MACROD2: variants seen among roughly 807,000 people sequenced by gnomAD.
MACROD2 encodes ADP-ribose glycohydrolase MACROD2.
MACROD2 carries 36 observed loss-of-function variants against 70.4 expected under a neutral mutation model. The ratio of observed to expected loss-of-function variants is 0.51; its 90% CI spans 0.39 to 0.68. The LOEUF is 0.68. Among genes scored for constraint, MACROD2 ranks in the 30% least tolerant of loss-of-function variants. The pLI is 0.00. For missense variants in MACROD2, 496 were observed against 538.4 expected, an observed-to-expected ratio of 0.92 and a Z score of 0.78; for synonymous variants, 172 against 178.8, an observed-to-expected ratio of 0.96 and a Z score of 0.30.
intron 8 of MACROD2, among the ~76,000 whole-genome samples, chr20:15,842,712 G>GGATGGATAGATAGATA (rs1555786006): frequency 2.1e-4 from 30 of 141,694 alleles, no homozygotes; most frequent in African/African-American, 4.2e-4. Flanking sequence ...GTGGGTGGAT[G>GGATGGATAGATAGATA]GATAGATAGA....
At chr20:14,723,287 T>C (rs1280019306) in intron 5 of MACROD2, among the ~76,000 whole-genome samples, 4 of 152,096 alleles carry the variant, frequency 2.6e-5, no homozygotes, top group Non-Finnish European at 5.9e-5. Context: ...TTTATTCTTA[T>C]ATATCCTTTT....
chr20:14,610,951 C>G (rs1262699762), intron 4 of MACROD2, among the ~76,000 whole-genome samples: 1 of 152,034 alleles, frequency 6.6e-6, no homozygotes, highest in African/African-American at 2.4e-5. Flanking sequence ...GCATTGGAGA[C>G]TCATATTAAC....
intron 8 of MACROD2, among the ~76,000 whole-genome samples, chr20:15,801,156 C>T (rs1445309660): frequency 6.8e-6 from 1 of 147,070 alleles, no homozygotes; most frequent in Non-Finnish European, 1.5e-5. Flanking sequence ...CCAAATCCCC[C>T]TCTGCGAGAA....
chr20:14,242,966 T>A (rs2081941595), intron 3 of MACROD2, among the ~76,000 whole-genome samples: 1 of 152,208 alleles, frequency 6.6e-6, no homozygotes, highest in Admixed American at 6.5e-5. Flanking sequence ...TTTTCACTAA[T>A]TACTTTCACC....
At chr20:15,292,787 A>G (rs2077552371) in intron 6 of MACROD2, among the ~76,000 whole-genome samples, 1 of 152,258 alleles carries the variant, frequency 6.6e-6, no homozygotes, top group Non-Finnish European at 1.5e-5. Flanking sequence ...ACTAATTTAT[A>G]TAATGACTGT....
intron 5 of MACROD2, among the ~76,000 whole-genome samples, chr20:15,167,899 T>C (rs954194929): frequency 6.6e-6 from 1 of 152,128 alleles, no homozygotes; most frequent in Non-Finnish European, 1.5e-5. Context: ...TTTTTACCTT[T>C]GCAGAGACCA....
intron 5 of MACROD2, among the ~76,000 whole-genome samples, chr20:15,153,958 T>A (rs764758585): frequency 6.6e-6 from 1 of 152,150 alleles, no homozygotes; most frequent in Admixed American, 6.5e-5. Flanking sequence ...ACACAAATGA[T>A]TGGAGTTATA....
chr20:14,309,139 T>C (rs962141073), intron 3 of MACROD2, among the ~76,000 whole-genome samples: 2 of 152,136 alleles, frequency 1.3e-5, no homozygotes, highest in African/African-American at 2.4e-5. Flanking sequence ...GCACGTGGAA[T>C]TTCAGCTCTT....
intron 4 of MACROD2, among the ~76,000 whole-genome samples, chr20:14,545,399 C>A (rs968319374): frequency 5.3e-5 from 8 of 152,116 alleles, no homozygotes; most frequent in African/African-American, 1.9e-4. Flanking sequence ...GTGATCTAGT[C>A]ATTACAGCCT....
intron 5 of MACROD2, chr20:14,849,880 T>C (rs1406300194): frequency 6.2e-6 from 3 of 480,130 alleles, no homozygotes; most frequent in Non-Finnish European, 1.2e-5. Flanking sequence ...TAACCCTTAC[T>C]CTGGCATTTG....
chr20:14,833,894 A>C (rs1251462050), intron 5 of MACROD2, among the ~76,000 whole-genome samples: 1 of 152,124 alleles, frequency 6.6e-6, no homozygotes, highest in Non-Finnish European at 1.5e-5. Flanking sequence ...TATAACAAAA[A>C]ATGTGGCAAC....
chr20:14,470,521 A>G (rs994799537), intron 3 of MACROD2, among the ~76,000 whole-genome samples: 3 of 152,256 alleles, frequency 2.0e-5, no homozygotes, highest in South Asian at 2.1e-4. Context: ...AGCTGCGACC[A>G]TAGCCGCCCC....
chr20:14,494,306 A>G (rs1369658508), intron 4 of MACROD2, among the ~76,000 whole-genome samples: 2 of 151,932 alleles, frequency 1.3e-5, no homozygotes, highest in Non-Finnish European at 2.9e-5. Context: ...TTTTTCTTAC[A>G]CACAGTTGAA....
At chr20:14,862,649 ATATAT>A (rs2073378987) in intron 5 of MACROD2, among the ~76,000 whole-genome samples, 2 of 50,432 alleles carry the variant, frequency 4.0e-5, no homozygotes, top group Non-Finnish European at 7.2e-5. Context: ...ATAAATATAT[ATATAT>A]AAATATATAT....
At chr20:14,107,063 G>C (rs1416002428) in intron 3 of MACROD2, among the ~76,000 whole-genome samples, 1 of 152,118 alleles carries the variant, frequency 6.6e-6, no homozygotes, top group Non-Finnish European at 1.5e-5. Flanking sequence ...AAGGTAGTAG[G>C]GACCAATCCT....
chr20:14,081,785 A>T (rs956532029), intron 2 of MACROD2, among the ~76,000 whole-genome samples: 26 of 152,234 alleles, frequency 1.7e-4, no homozygotes, highest in African/African-American at 6.0e-4. Flanking sequence ...TGAAGGAAAT[A>T]CTGCTAATTA....
At chr20:15,149,767 C>G (rs377274892) in intron 5 of MACROD2, among the ~76,000 whole-genome samples, 1 of 152,004 alleles carries the variant, frequency 6.6e-6, no homozygotes, top group Non-Finnish European at 1.5e-5. Context: ...AGCTACAGGA[C>G]GCAATCCCGG....
At chr20:15,339,382 G>T (rs896693741) in intron 6 of MACROD2, among the ~76,000 whole-genome samples, 2 of 151,802 alleles carry the variant, frequency 1.3e-5, no homozygotes, top group Non-Finnish European at 2.9e-5. Context: ...AATCGACAAA[G>T]CACCAAACAG....
chr20:14,306,487 G>A (rs1445884702), intron 3 of MACROD2, among the ~76,000 whole-genome samples: 29 of 151,964 alleles, frequency 1.9e-4, no homozygotes, highest in Non-Finnish European at 1.2e-4. Flanking sequence ...ATCTAGTCCT[G>A]GAGGATATAA....
Sources: allele counts gnomAD v4.1 joint callset (sites outside exome capture counted in the v4.1 genomes callset), GRCh38; gene constraint gnomAD v4.1.1; transcripts MANE v1.5; gene names NCBI Gene and HGNC (gene_info 2026-07-23, HGNC 2026-07-21).